Variants in PCDHA1 observed in about 807,000 individuals in gnomAD.
PCDHA1 encodes the protein protocadherin alpha-1.
PCDHA1 carries 42 observed loss-of-function variants against 61.3 expected under a neutral mutation model. That is an observed-to-expected ratio of 0.69 (90% CI 0.54 to 0.89). The LOEUF (loss-of-function observed/expected upper bound fraction) is 0.89. PCDHA1 is among the 40% of genes least tolerant of loss of function. The pLI is 0.00. For missense variants in PCDHA1, 1,256 were observed against 1,235.3 expected (o/e 1.02, Z -0.25); for synonymous variants, 610 against 553.8 (o/e 1.10, Z -1.43).
intron 1 of PCDHA1, chr5:140,825,391 T>C (rs1768537331): frequency 1.4e-5 from 2 of 143,592 alleles, no homozygotes; most frequent in East Asian, 3.9e-4. Flanking sequence ...CTAATATATA[T>C]CTAATATATT....
chr5:140,877,236 C>T, intron 1 of PCDHA1: 8 of 1,613,686 alleles, frequency 5.0e-6, no homozygotes, highest in Non-Finnish European at 6.8e-6. Context: ...TGGGTGCGGG[C>T]CACGTGGTGG....
rs1412430465 is a variant in PCDHA1 at position 141,010,516 on chromosome 5, A to C, written c.*579A>C. On this transcript the variant is annotated 3_prime_UTR_variant, in exon 4 of 4. Transcript: ENST00000504120. ...CCAGACTTTCTAAATCTTACAACTC[A>C]AGAGGTGGCAGCCACCCTCTAGGAG... 4.2e-6 allele frequency: 2 copies of C among 477,698 alleles called. No individual in the cohort carries two copies. The highest frequency in any genetic ancestry group is 7.8e-5 in the Admixed American group (2 of 25,754). The allele number at this position is 477,698 out of a possible 1,614,324, so 29.6% of individuals were successfully genotyped here.
At chr5:140,980,595 A>G (rs2096897056) in intron 2 of PCDHA1, among the ~76,000 whole-genome samples, 1 of 152,222 alleles carries the variant, frequency 6.6e-6, no homozygotes, top group South Asian at 2.1e-4. Context: ...GAGCCACTGC[A>G]CTCCAGCCTG....
At chr5:140,935,760 T>C (rs1320272382) in intron 1 of PCDHA1, among the ~76,000 whole-genome samples, 1 of 152,152 alleles carries the variant, frequency 6.6e-6, no homozygotes, top group Non-Finnish European at 1.5e-5. Flanking sequence ...TACACATTCT[T>C]CCCCACTTTG....
At chr5:140,996,650 G>A (rs943173536) in intron 3 of PCDHA1, among the ~76,000 whole-genome samples, 2 of 152,042 alleles carry the variant, frequency 1.3e-5, no homozygotes, top group Non-Finnish European at 2.9e-5. Context: ...GTTAATCCTG[G>A]GTGCAGGCTA....
At chr5:140,883,466 A>G (rs782104317) in intron 1 of PCDHA1, 43 of 1,614,010 alleles carry the variant, frequency 2.7e-5, no homozygotes, top group Non-Finnish European at 3.5e-5. Context: ...GCTGGTGTCC[A>G]CCTACAAGAA....
rs781872854 is a variant in PCDHA1 at position 140,856,136 on chromosome 5, C to T, written c.2394+67452C>T. On this transcript the variant is annotated intron_variant, in intron 1 of 3. Coordinates refer to ENST00000504120, the MANE Select transcript of PCDHA1 (RefSeq NM_018900.4). ...AGCCTGGGAGGTGGGGAGCGGCCAGCTCCACTACTCAGTCTACGAGGAGGC... is the reference window on the plus strand; with the variant it reads ...AGCCTGGGAGGTGGGGAGCGGCCAGTTCCACTACTCAGTCTACGAGGAGGC... 28 of 1,598,232 alleles carry T rather than the reference C, an allele frequency of 1.8e-5. 1 individual carries two copies. Among genetic ancestry groups the T allele is most frequent in the Non-Finnish European group, 2.4e-5 (28 of 1,167,860 alleles).
intron 1 of PCDHA1, chr5:140,869,729 A>C (rs1554163384): frequency 6.2e-7 from 1 of 1,613,280 alleles, no homozygotes; most frequent in Admixed American, 1.7e-5. Context: ...CCGGAACTTA[A>C]TTTGCTGCTA....
intron 1 of PCDHA1, among the ~76,000 whole-genome samples, chr5:140,952,338 CA>C (rs55931446): frequency 8.7e-4 from 117 of 135,030 alleles, no homozygotes; most frequent in South Asian, 1.2e-3. Flanking sequence ...AACTCCATCT[CA>C]AAAAAAAAAA....
rs190555934 is a variant in PCDHA1 at position 140,905,437 on chromosome 5, C to G, written c.2395-73512C>G. Among the ~76,000 whole-genome samples the G allele has an allele frequency of 2.8e-3, 421 of 152,248 alleles. 2 individuals carry two copies. The highest frequency in any genetic ancestry group is 0.014 in the Middle Eastern group (4 of 294). On this transcript the variant is annotated intron_variant, in intron 1 of 3. Coordinates refer to ENST00000504120, the MANE Select transcript of PCDHA1 (RefSeq NM_018900.4). ...TACCATGCTGGTTTGATAACTACAG[C>G]CTTTTAGTATAATTTAAAGTCAGGT...
intron 1 of PCDHA1, among the ~76,000 whole-genome samples, chr5:140,799,006 C>T (rs536395223): frequency 3.5e-4 from 53 of 152,280 alleles, no homozygotes; most frequent in South Asian, 6.2e-4. Flanking sequence ...TACTTGACCA[C>T]TATGTTTCTA....
chr5:140,870,734 T>A (rs782055886), intron 1 of PCDHA1: 1 of 1,613,458 alleles, frequency 6.2e-7, no homozygotes. Flanking sequence ...GTGCCGCCTC[T>A]GAGCAGCAAC....
At chr5:141,001,276 T>C (rs2098003991) in intron 3 of PCDHA1, among the ~76,000 whole-genome samples, 1 of 152,210 alleles carries the variant, frequency 6.6e-6, no homozygotes. Context: ...GAACTTTTTT[T>C]ACGGATGAAA....
intron 1 of PCDHA1, chr5:140,828,102 C>T: frequency 6.8e-6 from 11 of 1,608,522 alleles, no homozygotes; most frequent in Non-Finnish European, 9.3e-6. Flanking sequence ...ATGGTGTTTA[C>T]CCCGGAGGAT....
intron 3 of PCDHA1, among the ~76,000 whole-genome samples, chr5:141,007,672 A>G (rs782403242): frequency 6.6e-6 from 1 of 152,194 alleles, no homozygotes; most frequent in African/African-American, 2.4e-5. Context: ...TACAAAGACA[A>G]AAGTTATCCT....
chr5:140,892,461 G>A lies in PCDHA1; in HGVS notation c.2395-86488G>A, dbSNP rs187904355. On this transcript the variant is annotated intron_variant, in intron 1 of 3. Coordinates refer to ENST00000504120, the MANE Select transcript of PCDHA1 (RefSeq NM_018900.4). ...AAATTTACATGTATTCTTTAAGTAC[G>A]GTTATTCAGTTTCCTAGCCAAACAT... 2.1e-3 allele frequency among the ~76,000 whole-genome samples: 317 copies of A among 152,150 alleles called. 1 individual carries two copies. Among genetic ancestry groups the A allele is most frequent in the Non-Finnish European group, 3.5e-3 (237 of 68,004 alleles).
intron 1 of PCDHA1, chr5:140,834,482 C>T (rs2150219346): frequency 5.0e-6 from 8 of 1,614,172 alleles, no homozygotes; most frequent in South Asian, 1.1e-5. Context: ...AGCTCCACTA[C>T]TCGGTCCCCG....
chr5:140,802,787 G>A (rs1554122364), intron 1 of PCDHA1: 1 of 1,613,358 alleles, frequency 6.2e-7, no homozygotes, highest in Non-Finnish European at 8.5e-7. Flanking sequence ...AGCTAGAGCT[G>A]CTGCAGTTCC....
chr5:140,834,371 C>T (rs367564168), intron 1 of PCDHA1: 1 of 1,557,940 alleles, frequency 6.4e-7, no homozygotes, highest in Non-Finnish European at 8.7e-7. Context: ...GAAAAACAAG[C>T]CAATAATTTG....
Sources: gnomAD v4.1 joint callset for allele counts (sites outside exome capture counted in the v4.1 genomes callset) on GRCh38, gnomAD v4.1.1 for gene constraint, MANE v1.5 for transcripts, NCBI Gene and HGNC (gene_info 2026-07-23, HGNC 2026-07-21) for gene names.